The following FAM114A2 variants were observed in gnomAD, a reference collection of about 807,000 sequenced individuals.
The protein encoded by FAM114A2 is protein FAM114A2.
Under a neutral mutation model 58.4 loss-of-function variants are expected in FAM114A2, and 53 were observed. That is an observed-to-expected ratio of 0.91 (90% confidence interval 0.73 to 1.14). The LOEUF is 1.14. Ranked by LOEUF, FAM114A2 falls within the 50% of genes most tolerant of loss-of-function variation. The pLI is 0.00. For synonymous variants in FAM114A2, 228 were observed against 211.4 expected (o/e 1.08, Z -0.68); for missense variants, 601 against 581.1 (o/e 1.03, Z -0.35).
rs750941972 is a variant in FAM114A2, at chr5:154,011,240, C to G, written c.993+1G>C. 1.2e-6 allele frequency: 2 copies of G among 1,600,898 alleles called. No individual in the cohort carries two copies. The highest frequency in any genetic ancestry group is 1.7e-6 in the Non-Finnish European group (2 of 1,169,258). Reference sequence around the variant, plus strand: ...AAAATCACCAAGAAGCAATAACTTACCCTGGCAAGTTTCTCTGGTTTGGAG... The same window carrying G: ...AAAATCACCAAGAAGCAATAACTTAGCCTGGCAAGTTTCTCTGGTTTGGAG... On this transcript the variant is annotated splice_donor_variant, in intron 9 of 13. Transcript: ENST00000351797. LOFTEE classifies it high-confidence loss of function.
intron 11 of FAM114A2, among the ~76,000 whole-genome samples, chr5:154,001,861 G>A (rs1407706566): frequency 1.3e-5 from 2 of 152,004 alleles, no homozygotes; most frequent in East Asian, 1.9e-4. Context: ...TACTTTTGGA[G>A]GTATAAAAAT....
At chr5:154,035,471 T>G (rs1200905206) in intron 1 of FAM114A2, among the ~76,000 whole-genome samples, 1 of 152,232 alleles carries the variant, frequency 6.6e-6, no homozygotes, top group Admixed American at 6.5e-5. Context: ...TGACATTGAC[T>G]TTTTTCACTC....
chr5:154,028,301 C>G lies in FAM114A2; in HGVS notation c.496-18G>C. ...CTCTTTCCCTAGAAAATACATGCAA[C>G]CTCATTACAACAATATTAAGAAAAC... On this transcript the variant is annotated intron_variant, in intron 5 of 13. Coordinates refer to ENST00000351797, the MANE Select transcript of FAM114A2 (RefSeq NM_018691.4). 1.3e-6 allele frequency: 2 copies of G among 1,538,222 alleles called. No individual in the cohort carries two copies. Among genetic ancestry groups the G allele is most frequent in the Non-Finnish European group, 1.8e-6 (2 of 1,123,316 alleles).
chr5:154,010,740 C>T (rs1770636673), intron 9 of FAM114A2, among the ~76,000 whole-genome samples: 1 of 152,124 alleles, frequency 6.6e-6, no homozygotes, highest in Non-Finnish European at 1.5e-5. Context: ...AAAATAGTTC[C>T]AGAATCAGCA....
intron 12 of FAM114A2, among the ~76,000 whole-genome samples, chr5:153,996,849 T>C (rs1228644349): frequency 1.3e-5 from 2 of 151,552 alleles, no homozygotes; most frequent in South Asian, 2.1e-4. Context: ...ATACAAAAAT[T>C]GGCTGGGCAT....
chr5:154,003,098 T>C (rs1350857165), intron 9 of FAM114A2, 129 bp from the exon 10 acceptor site: 1 of 724,574 alleles, frequency 1.4e-6, no homozygotes, highest in African/African-American at 1.8e-5. Flanking sequence ...CCATCTAGCT[T>C]TTCAGTCCTT....
At chr5:154,000,789 T>C (rs1258746475) in intron 11 of FAM114A2, among the ~76,000 whole-genome samples, 2 of 152,134 alleles carry the variant, frequency 1.3e-5, no homozygotes, top group South Asian at 2.1e-4. Flanking sequence ...TTAAATCAAA[T>C]AGAAAATAAT....
In FAM114A2 at chr5:154,027,347, G is replaced by A. The variant is rs1202092307; in HGVS notation, c.631-13C>T. ...CCTCTCGTAAAACCTAAAAAGAGATGGAGGCATTACACTGTAGCAAACAAT... is the reference window on the plus strand; with the variant it reads ...CCTCTCGTAAAACCTAAAAAGAGATAGAGGCATTACACTGTAGCAAACAAT... On this transcript the variant is annotated splice_polypyrimidine_tract_variant and intron_variant, in intron 6 of 13. Coordinates refer to ENST00000351797, the MANE Select transcript of FAM114A2 (RefSeq NM_018691.4). 1.2e-6 allele frequency: 2 copies of A among 1,606,156 alleles called. No homozygotes were observed. The highest frequency in any genetic ancestry group is 1.7e-6 in the Non-Finnish European group (2 of 1,176,844).
Position 154,002,871 on chromosome 5 carries a change from C to T in FAM114A2, c.1092G>A (p.Glu364=), listed in dbSNP as rs117161979. 76 of 1,614,050 alleles carry T rather than the reference C, an allele frequency of 4.7e-5. No individual in the cohort carries two copies. The East Asian group carries it at 7.4e-4, about 16-fold the overall frequency. The change falls in exon 10 of 14, where the codon GAG becomes GAA. Residue 364 remains glutamate, a synonymous_variant. Transcript: ENST00000351797. ...GEKQSEAENT[E]QVNKNSIEDI... is the part of the protein sequence containing the mutation. ...CCTCTATTGAATTTTTGTTGACTTG[C>T]TCAGTATTTTCTGCTTCCGACTGTT...
chr5:154,002,213 C>A (rs1404641889), intron 11 of FAM114A2, 38 bp downstream of exon 11: 2 of 1,593,538 alleles, frequency 1.3e-6, no homozygotes, highest in Non-Finnish European at 1.7e-6. Context: ...AAAACTCCTG[C>A]AATTTGCATC....
At chr5:154,024,141 C>A (rs910772738) in intron 8 of FAM114A2, among the ~76,000 whole-genome samples, 3 of 152,110 alleles carry the variant, frequency 2.0e-5, no homozygotes, top group Non-Finnish European at 2.9e-5. Flanking sequence ...ATGTACAATT[C>A]TAAAAAGCAA....
At chr5:153,997,903 G>GT in intron 11 of FAM114A2, 28 bp from the exon 12 acceptor site, 2 of 1,403,430 alleles carry the variant, frequency 1.4e-6, no homozygotes, top group South Asian at 1.2e-5. Context: ...AGTCAGAAAC[G>GT]TTTTTTCTTT....
At chr5:154,028,373 G>A in intron 5 of FAM114A2, 90 bp from the exon 6 acceptor site, 2 of 883,052 alleles carry the variant, frequency 2.3e-6, no homozygotes, top group Non-Finnish European at 3.3e-6. Context: ...AAAAATAGTG[G>A]CTAACAATAC....
At chr5:154,015,899 T>G (rs1771007580) in intron 8 of FAM114A2, among the ~76,000 whole-genome samples, 1 of 151,972 alleles carries the variant, frequency 6.6e-6, no homozygotes, top group South Asian at 2.1e-4. Flanking sequence ...GGAAAAATAT[T>G]CAATGACAGA....
In FAM114A2 at chr5:154,023,013, A is replaced by C. The variant is rs375449651; in HGVS notation, c.913+3386T>G. On this transcript the variant is annotated intron_variant, in intron 8 of 13. Coordinates refer to ENST00000351797, the MANE Select transcript of FAM114A2 (RefSeq NM_018691.4). ...GACATGGATGAAGCTGGAAACCATC[A>C]TTCTGAGCAAACTATCACAAGGACA... Among the ~76,000 whole-genome samples the C allele has an allele frequency of 6.6e-5, 10 of 152,322 alleles. 1 individual carries two copies. The South Asian group carries it at 1.7e-3, about 25-fold the overall frequency.
chr5:154,007,106 T>C (rs1485909555), intron 9 of FAM114A2, among the ~76,000 whole-genome samples: 2 of 152,186 alleles, frequency 1.3e-5, no homozygotes, highest in African/African-American at 4.8e-5. Context: ...GGAGATATTT[T>C]AGTAGGCATA....
intron 11 of FAM114A2, 110 bp downstream of exon 11, chr5:154,002,141 A>C: frequency 1.1e-6 from 1 of 903,030 alleles, no homozygotes; most frequent in South Asian, 1.6e-5. Flanking sequence ...TAATATGTGG[A>C]TGGGTGTGAC....
In FAM114A2 at chr5:153,992,962, A is replaced by C. The variant is rs763978420; in HGVS notation, c.*14T>G. The C allele has an allele frequency of 1.0e-5, 16 of 1,607,322 alleles. No homozygotes were observed. The East Asian group carries it at 3.6e-4, about 36-fold the overall frequency. On this transcript the variant is annotated 3_prime_UTR_variant, in exon 14 of 14. Transcript: ENST00000351797. Reference sequence around the variant, plus strand: ...TTGGCCGTCACAAGTCCCAGGTCAAAACGTCTCCATTCTTCAATGTTCTAA... The same window carrying C: ...TTGGCCGTCACAAGTCCCAGGTCAACACGTCTCCATTCTTCAATGTTCTAA...
Position 154,027,282 on chromosome 5 carries a change from G to T in FAM114A2, c.683C>A (p.Thr228Asn). The change falls in exon 7 of 14, where the codon ACC becomes AAC. Residue 228 changes from threonine to asparagine, a missense_variant. Transcript: ENST00000351797. ...ATGAGTTTTCTTGTCTGTTTCCACG[G>T]TAACCTCATTGGAGGTCCGTATCTC... ...KEEIRTSNEV[T>N]VETDKKTHYG... The T allele has an allele frequency of 6.2e-7, 1 of 1,613,478 alleles. No individual in the cohort carries two copies.
Sources: gnomAD v4.1 joint callset for allele counts (sites outside exome capture counted in the v4.1 genomes callset) on GRCh38, gnomAD v4.1.1 for gene constraint, MANE v1.5 for transcripts, NCBI Gene and HGNC (gene_info 2026-07-23, HGNC 2026-07-21) for gene names.